The following SPRR2G variants were observed in gnomAD, a reference collection of about 807,000 sequenced individuals.
The protein encoded by SPRR2G is small proline-rich protein 2G.
In SPRR2G, 1 loss-of-function variant was observed where a neutral mutation model predicts 0.7. The ratio of observed to expected loss-of-function variants is 1.49; its 90% CI spans 0.53 to 7.06. The LOEUF is 7.06. SPRR2G is among the 30% of genes most tolerant of loss of function. The probability of loss-of-function intolerance (pLI) is 0.14; values close to 1 mark genes in which losing one functional copy is unlikely to be tolerated. For missense variants in SPRR2G, 96 were observed against 88.5 expected (o/e 1.09, Z -0.34); for synonymous variants, 38 against 33.9 (o/e 1.12, Z -0.42).
the SPRR2G span, among the ~76,000 whole-genome samples, chr1:153,163,700 C>A: frequency 6.6e-6 from 1 of 152,196 alleles, no homozygotes; most frequent in East Asian, 1.9e-4. Flanking sequence ...CTCTTCCTTT[C>A]CCGAGTCTTC....
At chr1:153,164,074 C>T in the SPRR2G span, among the ~76,000 whole-genome samples, 3,366 of 152,314 alleles carry the variant, frequency 0.022, 112 homozygotes, top group East Asian at 0.11. Context: ...TAATTTATCT[C>T]ACACTAAGTT....
chr1:153,197,353 G>A, the SPRR2G span, among the ~76,000 whole-genome samples: 1,133 of 151,978 alleles, frequency 7.5e-3, 16 homozygotes, highest in African/African-American at 0.025. Context: ...ACAGCCCAGC[G>A]GTACCTGCCT....
At chr1:153,193,807 C>G in the SPRR2G span, among the ~76,000 whole-genome samples, 50 of 152,144 alleles carry the variant, frequency 3.3e-4, no homozygotes, top group Admixed American at 3.1e-3. Flanking sequence ...ATATCCCTTT[C>G]TCTCACTCCC....
the SPRR2G span, among the ~76,000 whole-genome samples, chr1:153,158,705 G>T: frequency 6.6e-6 from 1 of 152,202 alleles, no homozygotes; most frequent in Admixed American, 6.5e-5. Flanking sequence ...CCTAGAAGAG[G>T]TTCTCCATGA....
At chr1:153,197,743 C>T in the SPRR2G span, among the ~76,000 whole-genome samples, 5 of 152,050 alleles carry the variant, frequency 3.3e-5, no homozygotes, top group African/African-American at 1.2e-4. Context: ...GGGTCCAGAG[C>T]AGTCCACATG....
the SPRR2G span, among the ~76,000 whole-genome samples, chr1:153,197,275 T>C: frequency 6.6e-6 from 1 of 151,906 alleles, no homozygotes; most frequent in African/African-American, 2.4e-5. Context: ...CATCTCTGCT[T>C]GGGAGCCTGG....
chr1:153,198,389 G>T, the SPRR2G span, among the ~76,000 whole-genome samples: 3 of 152,304 alleles, frequency 2.0e-5, no homozygotes, highest in Non-Finnish European at 2.9e-5. Flanking sequence ...TGCTGTGGGG[G>T]TTGAATTAGT....
upstream of SPRR2G, among the ~76,000 whole-genome samples, chr1:153,153,456 G>C (rs12026519): frequency 2.6e-5 from 4 of 152,036 alleles, no homozygotes; most frequent in African/African-American, 7.2e-5. Flanking sequence ...TTCTCTGACG[G>C]ACATTTTTGT....
At chr1:153,152,267 A>G (rs967977425), upstream of SPRR2G, among the ~76,000 whole-genome samples, 4 of 152,222 alleles carry the variant, frequency 2.6e-5, no homozygotes, top group African/African-American at 9.6e-5. Flanking sequence ...TATCTAGTGA[A>G]GATCCTTTCC....
chr1:153,164,483 T>C, the SPRR2G span, among the ~76,000 whole-genome samples: 4 of 152,230 alleles, frequency 2.6e-5, no homozygotes, highest in Admixed American at 2.6e-4. Context: ...GTGGCTCTGT[T>C]ATTTTAAAAT....
chr1:153,200,242 G>A, the SPRR2G span, among the ~76,000 whole-genome samples: 8 of 152,274 alleles, frequency 5.3e-5, no homozygotes, highest in African/African-American at 1.9e-4. Flanking sequence ...ACGCCACCAG[G>A]AGCTTTGGCT....
At chr1:153,157,144 G>A in the SPRR2G span, among the ~76,000 whole-genome samples, 4,702 of 152,252 alleles carry the variant, frequency 0.031, 239 homozygotes, top group African/African-American at 0.11. Context: ...ACTAGCATAA[G>A]TTGGGGATTA....
Position 153,150,057 on chromosome 1 carries a change from G to A in SPRR2G, c.54C>T (p.Cys18=). ...CKQPCQPPPV[C]PTPKCPEPCP... ...ATGGCTCTGGGCACTTTGGCGTGGG[G>A]CACACAGGAGGTGGCTGGCAGGGCT... Residue 18 remains cysteine (C), a synonymous_variant, in exon 2 of 2, where the codon TGC becomes TGT. Coordinates refer to ENST00000368748, the MANE Select transcript of SPRR2G (RefSeq NM_001014291.4). 6.2e-7 allele frequency: 1 copy of A among 1,613,172 alleles called. No homozygotes were observed.
the SPRR2G span, among the ~76,000 whole-genome samples, chr1:153,164,820 T>G: frequency 0.022 from 3,358 of 152,236 alleles, 111 homozygotes; most frequent in East Asian, 0.1. Context: ...AATCCACAAA[T>G]GTGGAACCCA....
chr1:153,165,538 G>T, the SPRR2G span, among the ~76,000 whole-genome samples: 14 of 152,160 alleles, frequency 9.2e-5, no homozygotes, highest in Non-Finnish European at 1.9e-4. Context: ...AGGGACCATT[G>T]TTCTAACACA....
At chr1:153,181,115 A>G in the SPRR2G span, among the ~76,000 whole-genome samples, 1 of 152,038 alleles carries the variant, frequency 6.6e-6, no homozygotes, top group East Asian at 1.9e-4. Flanking sequence ...ATAATCAGAA[A>G]TTTTTAATTT....
At position 153,150,186 on chromosome 1, in the gene SPRR2G, C is replaced by A. The variant is rs529016203; in HGVS notation, c.-21-55G>T. The A allele has an allele frequency of 8.1e-6, 13 of 1,595,240 alleles. No individual in the cohort carries two copies. In the East Asian group the frequency reaches 2.5e-4, roughly 30 times the overall value. On this transcript the variant is annotated intron_variant, in intron 1 of 1. Coordinates refer to ENST00000368748, the MANE Select transcript of SPRR2G (RefSeq NM_001014291.4). ...AAGAGAGACAGTCCTGTTGGTGGAG[C>A]AATTAGCTAGGACATCAAATCTCCA...
At chr1:153,168,963 A>T in the SPRR2G span, among the ~76,000 whole-genome samples, 2 of 150,460 alleles carry the variant, frequency 1.3e-5, no homozygotes, top group East Asian at 4.2e-4. Flanking sequence ...TAGATCATCA[A>T]ATAAATCAGC....
the SPRR2G span, among the ~76,000 whole-genome samples, chr1:153,189,274 C>T: frequency 6.6e-6 from 1 of 152,062 alleles, no homozygotes; most frequent in South Asian, 2.1e-4. Flanking sequence ...TATTTATTGA[C>T]TACTCTCTTT....
Sources: allele counts gnomAD v4.1 joint callset (sites outside exome capture counted in the v4.1 genomes callset), GRCh38; gene constraint gnomAD v4.1.1; transcripts MANE v1.5; gene names NCBI Gene and HGNC (gene_info 2026-07-23, HGNC 2026-07-21).